The following CRACD variants were observed in gnomAD, a reference collection of about 807,000 sequenced individuals.
CRACD encodes capping protein-inhibiting regulator of actin dynamics.
CRACD carries 56 observed loss-of-function variants against 106.8 expected under a neutral mutation model. That is an observed-to-expected ratio of 0.52 (90% confidence interval 0.42 to 0.66). The LOEUF (loss-of-function observed/expected upper bound fraction) is 0.66. CRACD is among the 30% of genes least tolerant of loss of function. The pLI is 0.00. For missense variants in CRACD, 1,730 were observed against 1,623.2 expected, an observed-to-expected ratio of 1.07 and a Z score of -1.13; for synonymous variants, 754 against 670.8, an observed-to-expected ratio of 1.12 and a Z score of -1.92.
intron 1 of CRACD, among the ~76,000 whole-genome samples, chr4:56,066,588 A>G (rs111511486): frequency 6.6e-6 from 1 of 152,160 alleles, no homozygotes; most frequent in Non-Finnish European, 1.5e-5. Context: ...AAATAAATAA[A>G]ATTGTAATTG....
Position 56,314,140 on chromosome 4 carries a change from A to G in CRACD, c.638A>G (p.Asn213Ser), listed in dbSNP as rs775588822. ...DKPTWHEEEP[N>S]PLDSEEERRR... ...CCAACGTGGCACGAAGAGGAACCCA[A>G]TCCGCTGGATTCCGAGGAAGAGAGA... The change falls in exon 8 of 11, where the codon AAT becomes AGT. Residue 213 changes from asparagine (N) to serine (S), a missense_variant. This residue lies in a region of CRACD where 1,620 missense variants were observed against 1,481.6 expected (regional missense o/e 1.09). Coordinates refer to ENST00000682029, the MANE Select transcript of CRACD (RefSeq NM_001393381.1). This position sits in a 1 kb window ranked among gnomAD's most constrained non-coding sequence, Gnocchi z 4.4. 2.5e-6 allele frequency: 4 copies of G among 1,614,170 alleles called. No homozygotes were observed. Among genetic ancestry groups the G allele is most frequent in the Admixed American group, 1.7e-5 (1 of 60,026 alleles).
chr4:56,209,098 T>A (rs1199530418), intron 2 of CRACD, among the ~76,000 whole-genome samples: 8 of 152,190 alleles, frequency 5.3e-5, no homozygotes, highest in Non-Finnish European at 1.2e-4. Flanking sequence ...TTTGCATTAG[T>A]GTATTATCAA....
chr4:56,263,305 G>T lies in CRACD; in HGVS notation c.-188-9016G>T, dbSNP rs545852389. ...GGTGTGAAGGCACAGTTACAAAACA[G>T]CAGGTCCAAGGTGATCTCTTAAATG... On this transcript the variant is annotated intron_variant, in intron 2 of 10. Transcript: ENST00000682029. Among the ~76,000 whole-genome samples the T allele has an allele frequency of 1.5e-3, 229 of 152,306 alleles. 2 individuals are homozygous for T. The highest frequency in any genetic ancestry group is 5.3e-3 in the African/African-American group (221 of 41,564).
Position 56,104,146 on chromosome 4 carries a change from C to T in CRACD, c.-336+54847C>T, listed in dbSNP as rs143924644. Reference sequence around the variant, plus strand: ...GCGCAGTAGCTCATGCCGGTGATCCCGGAGCTTTGGGAGGCCGAGGTGGGA... The same window carrying T: ...GCGCAGTAGCTCATGCCGGTGATCCTGGAGCTTTGGGAGGCCGAGGTGGGA... On this transcript the variant is annotated intron_variant, in intron 1 of 10. Coordinates refer to ENST00000682029, the MANE Select transcript of CRACD (RefSeq NM_001393381.1). Among the ~76,000 whole-genome samples, 11 of 152,206 alleles carry T rather than the reference C, an allele frequency of 7.2e-5. No homozygotes were observed. The East Asian group carries it at 7.7e-4, about 11-fold the overall frequency.
chr4:56,202,428 A>G (rs1221445791), intron 2 of CRACD, among the ~76,000 whole-genome samples: 5 of 152,030 alleles, frequency 3.3e-5, no homozygotes, highest in Admixed American at 6.6e-5. Context: ...TCTATTTTTA[A>G]TAGAGATGGA....
intron 3 of CRACD, among the ~76,000 whole-genome samples, chr4:56,285,255 C>T (rs1046608317): frequency 2.6e-5 from 4 of 152,124 alleles, no homozygotes; most frequent in African/African-American, 4.8e-5. Flanking sequence ...TCCAATTCAA[C>T]GTGAGATTTG....
intron 1 of CRACD, among the ~76,000 whole-genome samples, chr4:56,165,870 GT>G (rs1232125479): frequency 6.6e-6 from 1 of 152,154 alleles, no homozygotes; most frequent in East Asian, 1.9e-4. Flanking sequence ...AATTGAATTT[GT>G]TTTGTAAGAC....
intron 4 of CRACD, among the ~76,000 whole-genome samples, chr4:56,299,403 C>T (rs1488441405): frequency 1.3e-5 from 2 of 152,052 alleles, no homozygotes; most frequent in African/African-American, 4.8e-5. Context: ...GGCACAGTGG[C>T]TCACTCCTAT....
intron 1 of CRACD, among the ~76,000 whole-genome samples, chr4:56,075,926 T>C (rs1215860181): frequency 1.3e-5 from 2 of 152,168 alleles, no homozygotes; most frequent in Non-Finnish European, 2.9e-5. Flanking sequence ...TCAGACTTAC[T>C]GTAACCCCAA....
At chr4:56,171,297 A>G in intron 1 of CRACD, among the ~76,000 whole-genome samples, 1 of 152,176 alleles carries the variant, frequency 6.6e-6, no homozygotes, top group Non-Finnish European at 1.5e-5. Flanking sequence ...TGGTCATTAT[A>G]GCTGACGAGG....
chr4:56,088,230 G>T (rs1733298366), intron 1 of CRACD, among the ~76,000 whole-genome samples: 1 of 151,208 alleles, frequency 6.6e-6, no homozygotes, highest in Non-Finnish European at 1.5e-5. Context: ...GGGGTTTGGT[G>T]TACAGATAAT....
At chr4:56,308,132 C>T (rs1006102703) in intron 5 of CRACD, among the ~76,000 whole-genome samples, 6 of 152,214 alleles carry the variant, frequency 3.9e-5, no homozygotes, top group African/African-American at 1.4e-4. Context: ...ACATCTTTGT[C>T]TCCCTAGGAC....
Position 56,315,144 on chromosome 4 carries a change from ATTCTCT to A in CRACD, c.1646_1651del (p.Leu549_Phe550del), listed in dbSNP as rs1553920671. 5 of 1,608,016 alleles carry A rather than the reference ATTCTCT, an allele frequency of 3.1e-6. No homozygotes were observed. The highest frequency in any genetic ancestry group is 4.2e-6 in the Non-Finnish European group (5 of 1,177,928). ...CCAGGTGTCCTCCGGAGGGAAGCAGATTCTCTTTCCCAAAGTCAACCTGAGCCCCGT... is the reference window on the plus strand; with the variant it reads ...CCAGGTGTCCTCCGGAGGGAAGCAGATTCCCAAAGTCAACCTGAGCCCCGT... On this transcript the variant is annotated inframe_deletion, in exon 8 of 11. Transcript: ENST00000682029. This position sits in a 1 kb window ranked among gnomAD's most constrained non-coding sequence, Gnocchi z 4.1.
chr4:56,125,737 T>G (rs1429971945), intron 1 of CRACD, among the ~76,000 whole-genome samples: 1 of 151,648 alleles, frequency 6.6e-6, no homozygotes, highest in African/African-American at 2.4e-5. Flanking sequence ...TTTTTAATGT[T>G]TATAATCTAT....
At chr4:56,202,536 C>T (rs1046327716) in intron 2 of CRACD, among the ~76,000 whole-genome samples, 4 of 152,126 alleles carry the variant, frequency 2.6e-5, no homozygotes, top group African/African-American at 4.8e-5. Flanking sequence ...TGTGAGCCAC[C>T]GCGCCCAGCA....
chr4:56,100,668 A>G (rs1733749231), intron 1 of CRACD, among the ~76,000 whole-genome samples: 1 of 152,194 alleles, frequency 6.6e-6, no homozygotes, highest in Admixed American at 6.5e-5. Flanking sequence ...TATGAGTGGT[A>G]TCCTCATAAG....
At chr4:56,318,594 C>G (rs1745840011) in intron 8 of CRACD, among the ~76,000 whole-genome samples, 2 of 152,162 alleles carry the variant, frequency 1.3e-5, no homozygotes, top group Non-Finnish European at 2.9e-5. Flanking sequence ...TATCACTGTC[C>G]CTGTTTTCTT....
At chr4:56,069,614 C>T (rs534220150) in intron 1 of CRACD, among the ~76,000 whole-genome samples, 2 of 152,310 alleles carry the variant, frequency 1.3e-5, no homozygotes, top group Non-Finnish European at 2.9e-5. Flanking sequence ...TTTTAAGGCA[C>T]TCAGTTACTT....
At chr4:56,258,119 T>C (rs57977312) in intron 2 of CRACD, among the ~76,000 whole-genome samples, 16,459 of 151,904 alleles carry the variant, frequency 0.11, 2,141 homozygotes, top group East Asian at 0.61. Context: ...CATTTACCAT[T>C]TAGTCTATGA....
Sources: allele counts gnomAD v4.1 joint callset (sites outside exome capture counted in the v4.1 genomes callset), GRCh38; gene constraint gnomAD v4.1.1; regional missense constraint gnomAD v4.1.1; non-coding constraint Gnocchi (gnomAD v3.1); transcripts MANE v1.5; gene names NCBI Gene and HGNC (gene_info 2026-07-23, HGNC 2026-07-21).